Variants in CA4 observed in about 807,000 individuals in gnomAD.
CA4 encodes the protein carbonic anhydrase 4.
In CA4, 24 loss-of-function variants were observed where a neutral mutation model predicts 34.5. The ratio of observed to expected loss-of-function variants is 0.70; its 90% confidence interval spans 0.50 to 0.98. The LOEUF is 0.98. Among genes scored for constraint, CA4 ranks in the 50% least tolerant of loss-of-function variants. The pLI is 0.00. For synonymous variants in CA4, 178 were observed against 170.6 expected (o/e 1.04, Z -0.34); for missense variants, 394 against 396.7 (o/e 0.99, Z 0.06).
Position 60,156,716 on chromosome 17 carries a change from G to T in CA4, c.268+1G>T, listed in dbSNP as rs1567730151. On this transcript the variant is annotated splice_donor_variant, in intron 3 of 7. Coordinates refer to ENST00000300900, the MANE Select transcript of CA4 (RefSeq NM_000717.5). LOFTEE classifies it high-confidence loss of function. ...ACTGTCCAAAATAACGGGCACTCAG[G>T]TGGGCTGGATGGAGGCCCCAGGCAG... 1.2e-6 allele frequency: 2 copies of T among 1,614,008 alleles called. No homozygotes were observed. Among genetic ancestry groups the T allele is most frequent in the Non-Finnish European group, 1.7e-6 (2 of 1,179,884 alleles).
rs771929990 is a variant in CA4 at position 60,156,615 on chromosome 17, C to T, written c.168C>T (p.Ile56=). 3.0e-5 allele frequency: 49 copies of T among 1,613,824 alleles called. No individual in the cohort carries two copies. The highest frequency in any genetic ancestry group is 6.7e-5 in the Admixed American group (4 of 60,012). ...AGGACCGCCAGTCCCCCATCAACAT[C>T]GTCACCACCAAGGCAAAGGTGGACA... ...CQKDRQSPIN[I]VTTKAKVDKK... is the part of the protein sequence containing the mutation. The change falls in exon 3 of 8, where the codon ATC becomes ATT. Residue 56 remains isoleucine, a synonymous_variant. Transcript: ENST00000300900.
chr17:60,175,998 TA>T, the CA4 span, among the ~76,000 whole-genome samples: 2 of 152,106 alleles, frequency 1.3e-5, no homozygotes, highest in Middle Eastern at 3.4e-3. Flanking sequence ...GTATTTTTAG[TA>T]GAGACGGGGT....
At chr17:60,161,801 G>T (rs542240051), downstream of CA4, among the ~76,000 whole-genome samples, 3 of 152,244 alleles carry the variant, frequency 2.0e-5, no homozygotes, top group Middle Eastern at 3.4e-3. Flanking sequence ...CCTGTCAGCG[G>T]GGGGTGTGTG....
At chr17:60,175,668 CAAAAAA>C (rs150949660), downstream of CA4, among the ~76,000 whole-genome samples, 4 of 81,562 alleles carry the variant, frequency 4.9e-5, no homozygotes, top group African/African-American at 8.2e-5. Context: ...AACTCCGTCT[CAAAAAA>C]AAAAAAAAAA....
chr17:60,156,481 C>T (rs1387545419), intron 2 of CA4, 79 bp from the exon 3 acceptor site: 33 of 1,427,984 alleles, frequency 2.3e-5, no homozygotes, highest in Non-Finnish European at 3.3e-5. Flanking sequence ...AGTGGGTGGG[C>T]CTGACTTCAG....
intron 5 of CA4, among the ~76,000 whole-genome samples, chr17:60,166,973 A>C (rs1369778888): frequency 2.0e-5 from 3 of 150,540 alleles, no homozygotes; most frequent in African/African-American, 4.9e-5. Flanking sequence ...CAAAAAGAAA[A>C]CCCCCCAAAA....
chr17:60,172,302 G>A (rs1050651858), downstream of CA4, among the ~76,000 whole-genome samples: 6 of 152,036 alleles, frequency 3.9e-5, no homozygotes, highest in Non-Finnish European at 5.9e-5. Flanking sequence ...CCTCTCTCTG[G>A]CATGCCTCCT....
At chr17:60,164,248 CTTCCTTCCGTCT>C (rs1245418629), downstream of CA4, among the ~76,000 whole-genome samples, 1 of 141,534 alleles carries the variant, frequency 7.1e-6, no homozygotes, top group Non-Finnish European at 1.5e-5. Flanking sequence ...TTCTTTCTTC[CTTCCTTCCGTCT>C]TTCCGTCCTT....
chr17:60,175,841 G>A (rs8070688), downstream of CA4, among the ~76,000 whole-genome samples: 5 of 145,490 alleles, frequency 3.4e-5, no homozygotes, highest in South Asian at 2.2e-4. Flanking sequence ...TTTTTGAGAC[G>A]GAGTTTCGCT....
At chr17:60,161,741 C>T (rs1224543976), downstream of CA4, among the ~76,000 whole-genome samples, 1 of 151,898 alleles carries the variant, frequency 6.6e-6, no homozygotes, top group South Asian at 2.1e-4. Context: ...GGTGACCACG[C>T]AGCTGTGGGG....
rs1367777598 is a variant in CA4, at chr17:60,159,219, C to T, written c.745-11C>T. 1.3e-6 allele frequency: 2 copies of T among 1,590,344 alleles called. No individual in the cohort carries two copies. The highest frequency in any genetic ancestry group is 1.1e-5 in the South Asian group (1 of 87,672). On this transcript the variant is annotated splice_polypyrimidine_tract_variant and intron_variant, in intron 7 of 7. Coordinates refer to ENST00000300900, the MANE Select transcript of CA4 (RefSeq NM_000717.5). ...CCTGCCCCGACCTGCTGAGCCCCAT[C>T]ACTTCCGCAGATCCTGGCATTCTCT...
At chr17:60,177,225 G>T in the CA4 span, among the ~76,000 whole-genome samples, 2 of 152,164 alleles carry the variant, frequency 1.3e-5, no homozygotes, top group African/African-American at 4.8e-5. Context: ...GAGGAAAAAC[G>T]GCACATGGAG....
downstream of CA4, among the ~76,000 whole-genome samples, chr17:60,161,396 T>G (rs986334486): frequency 1.3e-5 from 2 of 151,878 alleles, no homozygotes; most frequent in African/African-American, 4.8e-5. Context: ...TGGAGTGGGG[T>G]TGGCTGAGTG....
downstream of CA4, among the ~76,000 whole-genome samples, chr17:60,161,547 G>A (rs1476066388): frequency 2.0e-5 from 3 of 151,956 alleles, no homozygotes; most frequent in Admixed American, 6.6e-5. Context: ...AGAATCCCTC[G>A]CTGGCTGTGG....
intron 3 of CA4, among the ~76,000 whole-genome samples, chr17:60,157,213 G>A (rs563421843): frequency 1.3e-5 from 2 of 152,246 alleles, no homozygotes; most frequent in Non-Finnish European, 2.9e-5. Flanking sequence ...GTGCAGGAGA[G>A]GGGGAGGCAG....
At chr17:60,170,891 T>TCCA (rs2083905922) in exon 6 of CA4, 2 of 152,350 alleles carry the variant, frequency 1.3e-5, no homozygotes, top group South Asian at 4.1e-4. Context: ...GATCACAGAC[T>TCCA]CCAGTTCAGG....
At position 60,159,305 on chromosome 17, in the gene CA4, C is replaced by A. The variant is rs1487858043; in HGVS notation, c.820C>A (p.Gln274Lys). 6.2e-7 allele frequency: 1 copy of A among 1,610,294 alleles called. No individual in the cohort carries two copies. The highest frequency in any genetic ancestry group is 8.5e-7 in the Non-Finnish European group (1 of 1,178,320). The part of the protein sequence containing the change: ...VSMKDNVRPL[Q>K]QLGQRTVIKS... ...CATGAAGGACAATGTCAGGCCCCTG[C>A]AGCAGCTGGGGCAGCGCACGGTGAT... Residue 274 changes from glutamine (Q) to lysine (K), a missense_variant, in exon 8 of 8, where the codon CAG (glutamine) becomes AAG (lysine). Gln to Lys is a moderately conservative substitution (Grantham distance 53, BLOSUM62 1). Transcript: ENST00000300900.
At chr17:60,152,275 G>A (rs528144036) in intron 1 of CA4, among the ~76,000 whole-genome samples, 6 of 152,028 alleles carry the variant, frequency 3.9e-5, no homozygotes, top group East Asian at 3.9e-4. Flanking sequence ...CTCATTCAAC[G>A]AAGACAGGAA....
At chr17:60,159,591 G>A, downstream of CA4, 1 of 760,992 alleles carries the variant, frequency 1.3e-6, no homozygotes, top group Non-Finnish European at 2.2e-6. Context: ...ACCCCACCCT[G>A]TCCCCCTCCA....
Sources: gnomAD v4.1 joint callset for allele counts (sites outside exome capture counted in the v4.1 genomes callset) on GRCh38, gnomAD v4.1.1 for gene constraint, MANE v1.5 for transcripts, NCBI Gene and HGNC (gene_info 2026-07-23, HGNC 2026-07-21) for gene names.